DGKI: variants seen among roughly 807,000 people sequenced by gnomAD.
DGKI encodes the protein DAG kinase iota.
In DGKI, 55 loss-of-function variants were observed where a neutral mutation model predicts 147.5. The ratio of observed to expected loss-of-function variants is 0.37; its 90% CI spans 0.30 to 0.47. The LOEUF (loss-of-function observed/expected upper bound fraction) is 0.47, where lower values mean the gene tolerates loss of function less well. Ranked by LOEUF, DGKI falls within the 20% of genes least tolerant of loss-of-function variation. The pLI is 1.00. For missense variants in DGKI, 1,007 were observed against 1,323.8 expected (o/e 0.76, Z 3.71); for synonymous variants, 469 against 477.1 (o/e 0.98, Z 0.22).
At chr7:137,640,146 G>A (rs1318808598) in intron 6 of DGKI, among the ~76,000 whole-genome samples, 10 of 152,006 alleles carry the variant, frequency 6.6e-5, no homozygotes, top group Non-Finnish European at 1.3e-4. Context: ...TTGCATAACT[G>A]AAACTTTGTG....
intron 1 of DGKI, among the ~76,000 whole-genome samples, chr7:137,717,974 T>C (rs2116599320): frequency 6.6e-6 from 1 of 152,332 alleles, no homozygotes; most frequent in South Asian, 2.1e-4. Context: ...CCTATTCTTT[T>C]CTACCAGGAC....
At chr7:137,734,498 T>C (rs895824348) in intron 1 of DGKI, among the ~76,000 whole-genome samples, 2 of 151,996 alleles carry the variant, frequency 1.3e-5, no homozygotes, top group Non-Finnish European at 1.5e-5. Context: ...TCATATCTTT[T>C]AGAGTGCTTC....
intron 28 of DGKI, among the ~76,000 whole-genome samples, chr7:137,430,803 C>T (rs1813040157): frequency 6.6e-6 from 1 of 152,014 alleles, no homozygotes; most frequent in African/African-American, 2.4e-5. Context: ...AGAAGCACTT[C>T]CATTTGATAA....
chr7:137,483,346 A>G, intron 23 of DGKI, among the ~76,000 whole-genome samples: 1 of 152,278 alleles, frequency 6.6e-6, no homozygotes, highest in South Asian at 2.1e-4. Flanking sequence ...AGGAAAAAGT[A>G]TAAACTCTTA....
chr7:137,458,620 T>C, intron 27 of DGKI, among the ~76,000 whole-genome samples: 1 of 152,300 alleles, frequency 6.6e-6, no homozygotes, highest in East Asian at 1.9e-4. Flanking sequence ...TCAGTCCTTT[T>C]CTCAAAGAAA....
At position 137,623,806 on chromosome 7, in the gene DGKI, C is replaced by T. The variant is rs144863219; in HGVS notation, c.805-252G>A. ...CTGGTATTTCCTAGACCACCTACTA[C>T]TCAAAGTCAGCCACACAAAAAGAGC... On this transcript the variant is annotated intron_variant, in intron 6 of 32. Coordinates refer to ENST00000614521, the MANE Select transcript of DGKI (RefSeq NM_001321708.2). 1.2e-3 allele frequency among the ~76,000 whole-genome samples: 180 copies of T among 152,258 alleles called. 1 individual carries two copies. The highest frequency in any genetic ancestry group is 4.1e-3 in the African/African-American group (170 of 41,536).
chr7:137,684,407 T>A (rs1381830104), intron 2 of DGKI, among the ~76,000 whole-genome samples: 2 of 152,272 alleles, frequency 1.3e-5, no homozygotes, highest in African/African-American at 4.8e-5. Context: ...TAATCTTACC[T>A]ATTTCTTCTC....
intron 1 of DGKI, among the ~76,000 whole-genome samples, chr7:137,821,365 A>AG (rs1797890403): frequency 6.6e-6 from 1 of 152,170 alleles, no homozygotes; most frequent in Admixed American, 6.5e-5. Context: ...CTTGAAAAAA[A>AG]GATGTAAAAT....
intron 4 of DGKI, among the ~76,000 whole-genome samples, chr7:137,655,167 A>G (rs1365247948): frequency 6.6e-6 from 1 of 151,766 alleles, no homozygotes; most frequent in African/African-American, 2.4e-5. Flanking sequence ...TTTTTTTAGT[A>G]TTATGACAAT....
chr7:137,736,559 C>T (rs954754797), intron 1 of DGKI, among the ~76,000 whole-genome samples: 2 of 152,094 alleles, frequency 1.3e-5, no homozygotes. Flanking sequence ...AAATGGGCAG[C>T]TGAAAGAGAC....
Position 137,573,507 on chromosome 7 carries a change from C to T in DGKI, c.1762-669G>A, listed in dbSNP as rs542667569. On this transcript the variant is annotated intron_variant, in intron 17 of 32. Transcript: ENST00000614521. ...GCAACCTCAGCCTGCCAGGTTCAAG[C>T]GATTCTCCTGCCTCAGCCTCCCAAG... Among the ~76,000 whole-genome samples the T allele has an allele frequency of 1.1e-4, 17 of 152,248 alleles. No individual in the cohort carries two copies. In the South Asian group the frequency reaches 3.3e-3, roughly 30 times the overall value.
At chr7:137,685,121 T>C (rs1431111745) in intron 2 of DGKI, among the ~76,000 whole-genome samples, 1 of 152,190 alleles carries the variant, frequency 6.6e-6, no homozygotes, top group Non-Finnish European at 1.5e-5. Context: ...TGTTTCTATC[T>C]GCCTCAGAGA....
intron 30 of DGKI, among the ~76,000 whole-genome samples, chr7:137,401,363 C>A (rs973345594): frequency 1.3e-5 from 2 of 149,748 alleles, no homozygotes; most frequent in African/African-American, 5.0e-5. Context: ...AAGACCCCAA[C>A]TCTACAAAAA....
At chr7:137,829,365 A>G (rs1798156145) in intron 1 of DGKI, among the ~76,000 whole-genome samples, 1 of 152,240 alleles carries the variant, frequency 6.6e-6, no homozygotes, top group South Asian at 2.1e-4. Flanking sequence ...AACTTGGGAA[A>G]CTAGACTTCG....
chr7:137,686,898 T>C (rs539087136), intron 2 of DGKI, among the ~76,000 whole-genome samples: 1 of 152,256 alleles, frequency 6.6e-6, no homozygotes, highest in East Asian at 1.9e-4. Context: ...CCACAATAAG[T>C]AGAAACTTGG....
At chr7:137,777,323 A>G (rs756442812) in intron 1 of DGKI, among the ~76,000 whole-genome samples, 1 of 152,248 alleles carries the variant, frequency 6.6e-6, no homozygotes, top group Non-Finnish European at 1.5e-5. Flanking sequence ...ACATGGAAAC[A>G]GTAATTAAAA....
rs1562987593 is a variant in DGKI, at chr7:137,387,610, AC to A, written c.*3609del. ...TATATACATACATACTTGTGCATGAACGGATGGGGTATTTCTGACATCACAT... is the reference window on the plus strand; with the variant it reads ...TATATACATACATACTTGTGCATGAAGGATGGGGTATTTCTGACATCACAT... On this transcript the variant is annotated 3_prime_UTR_variant, in exon 33 of 33. Coordinates refer to ENST00000614521, the MANE Select transcript of DGKI (RefSeq NM_001321708.2). The A allele has an allele frequency of 6.6e-6, 1 of 152,260 alleles. No individual in the cohort carries two copies. 9.4% of individuals were successfully genotyped at this position (152,260 alleles called of 1,614,324 possible).
Position 137,396,579 on chromosome 7 carries a change from T to C in DGKI, c.2957+798A>G, listed in dbSNP as rs988725141. 2.6e-5 allele frequency among the ~76,000 whole-genome samples: 4 copies of C among 152,232 alleles called. No homozygotes were observed. The South Asian group carries it at 6.2e-4, about 24-fold the overall frequency. On this transcript the variant is annotated intron_variant, in intron 31 of 32. Coordinates refer to ENST00000614521, the MANE Select transcript of DGKI (RefSeq NM_001321708.2). ...TGTGCTGGCATGTGGACCAGCTCTATGGAGTGATAGACAGCTTCTTCCACA... is the reference window on the plus strand; with the variant it reads ...TGTGCTGGCATGTGGACCAGCTCTACGGAGTGATAGACAGCTTCTTCCACA...
chr7:137,780,630 C>T (rs1255438840), intron 1 of DGKI, among the ~76,000 whole-genome samples: 2 of 152,170 alleles, frequency 1.3e-5, no homozygotes, highest in African/African-American at 2.4e-5. Context: ...CCTTCTGCAA[C>T]TAGTCAGAAA....
Sources: allele counts gnomAD v4.1 joint callset (sites outside exome capture counted in the v4.1 genomes callset), GRCh38; gene constraint gnomAD v4.1.1; transcripts MANE v1.5; gene names NCBI Gene and HGNC (gene_info 2026-07-23, HGNC 2026-07-21).